ADGRE1: variants seen among roughly 807,000 people sequenced by gnomAD.
The protein encoded by ADGRE1 is adhesion G protein-coupled receptor E1.
Under a neutral mutation model 102.7 loss-of-function variants are expected in ADGRE1, and 82 were observed. That is an observed-to-expected ratio of 0.80 (90% CI 0.67 to 0.96). The LOEUF (loss-of-function observed/expected upper bound fraction) is 0.96, where lower values mean the gene tolerates loss of function less well. Ranked by LOEUF, ADGRE1 falls within the 40% of genes least tolerant of loss-of-function variation. ADGRE1 has a pLI of 0.00. For synonymous variants in ADGRE1, 398 were observed against 399.6 expected (o/e 1.00, Z 0.05); for missense variants, 1,032 against 1,085.3 (o/e 0.95, Z 0.69).
rs1450917202 is a variant in ADGRE1, at chr19:6,924,851, T to C, written c.1965T>C (p.Gly655=). 12 of 1,614,102 alleles carry C rather than the reference T, an allele frequency of 7.4e-6. No homozygotes were observed. Among genetic ancestry groups the C allele is most frequent in the Non-Finnish European group, 9.3e-6 (11 of 1,180,030 alleles). ...TGGCGAAGACTCTCTTCCTCGCCGG[T>C]ATACACAAGACTGACAACAAGGTCT... is the stretch of plus-strand genomic sequence containing the variant. ...LLLAKTLFLA[G]IHKTDNKMGC... Residue 655 remains glycine, a synonymous_variant, in exon 15 of 21, where the codon GGT becomes GGC. Transcript: ENST00000312053.
intron 5 of ADGRE1, 118 bp downstream of exon 5, chr19:6,897,665 A>T (rs984292503): frequency 1.8e-6 from 2 of 1,115,248 alleles, no homozygotes; most frequent in African/African-American, 3.2e-5. Context: ...GGGCTCAGAG[A>T]GGTAAAAATA....
At chr19:6,889,793 A>C (rs1025443334) in intron 1 of ADGRE1, among the ~76,000 whole-genome samples, 4 of 151,830 alleles carry the variant, frequency 2.6e-5, no homozygotes, top group Admixed American at 6.6e-5. Context: ...TATTTTCTAT[A>C]TATACATATG....
chr19:6,904,344 T>C (rs989942224), intron 8 of ADGRE1, among the ~76,000 whole-genome samples, 162 bp downstream of exon 8: 5 of 136,200 alleles, frequency 3.7e-5, no homozygotes, highest in African/African-American at 6.2e-5. Context: ...CAAATGATTT[T>C]TGGAGTACCT....
intron 2 of ADGRE1, among the ~76,000 whole-genome samples, chr19:6,894,056 C>T (rs1256432028): frequency 6.6e-6 from 1 of 152,214 alleles, no homozygotes; most frequent in African/African-American, 2.4e-5. Flanking sequence ...TATAAAGACT[C>T]TTGTGGTTAC....
At chr19:6,913,908 G>A in intron 11 of ADGRE1, 78 bp downstream of exon 11, 1 of 1,428,400 alleles carries the variant, frequency 7.0e-7, no homozygotes. Flanking sequence ...GATATTCCCT[G>A]GGTTTCCCAC....
At chr19:6,913,399 C>A (rs1466546501) in intron 10 of ADGRE1, among the ~76,000 whole-genome samples, 3 of 106,494 alleles carry the variant, frequency 2.8e-5, no homozygotes, top group Non-Finnish European at 6.2e-5. Flanking sequence ...CCAGGCTGGT[C>A]TCAAACTGCT....
chr19:6,933,874 G>T (rs1449525670), intron 17 of ADGRE1, among the ~76,000 whole-genome samples: 1 of 152,038 alleles, frequency 6.6e-6, no homozygotes, highest in Non-Finnish European at 1.5e-5. Context: ...CCTGCGCCAG[G>T]TGTATGTATA....
intron 1 of ADGRE1, 60 bp from the exon 2 acceptor site, chr19:6,890,421 G>GTTTTTTT (rs57355800): frequency 1.2e-4 from 54 of 451,250 alleles, no homozygotes; most frequent in South Asian, 3.0e-4. Flanking sequence ...AGCCCAAAAG[G>GTTTTTTT]TTTTTTTTTT....
intron 13 of ADGRE1, among the ~76,000 whole-genome samples, chr19:6,920,885 G>GA (rs1425764570): frequency 3.3e-5 from 5 of 152,048 alleles, no homozygotes; most frequent in African/African-American, 7.2e-5. Context: ...TGGTTTTTAT[G>GA]ATTTTTTCTC....
In ADGRE1 at chr19:6,904,123, T is replaced by C; in HGVS notation, c.890T>C (p.Ile297Thr). Residue 297 changes from isoleucine (I) to threonine (T), a missense_variant, in exon 8 of 21, where the codon ATT (isoleucine) becomes ACT (threonine). Transcript: ENST00000312053. ...CTGGGCTCCTACAGCTGTGGCTGCA[T>C]TGCAGGCTTTCATCCCAATCCAGAA... is the stretch of plus-strand genomic sequence containing the variant. ...NALGSYSCGC[I>T]AGFHPNPEGS... 1 of 1,614,242 alleles carries C rather than the reference T, an allele frequency of 6.2e-7. No homozygotes were observed. The highest frequency in any genetic ancestry group is 8.5e-7 in the Non-Finnish European group (1 of 1,180,042).
At chr19:6,918,833 T>C (rs976115921) in intron 12 of ADGRE1, among the ~76,000 whole-genome samples, 1 of 151,342 alleles carries the variant, frequency 6.6e-6, no homozygotes, top group Non-Finnish European at 1.5e-5. Flanking sequence ...CAAGCGATTG[T>C]CGTACCTCGG....
At chr19:6,898,237 C>CT (rs3029890) in intron 5 of ADGRE1, 166,050 of 1,158,226 alleles carry the variant, frequency 0.14, 3,774 homozygotes, top group Non-Finnish European at 0.15. Flanking sequence ...ATTGTTTTAA[C>CT]TTTTTTTTTT....
intron 1 of ADGRE1, 35 bp downstream of exon 1, chr19:6,887,674 C>T: frequency 6.3e-7 from 1 of 1,599,366 alleles, no homozygotes; most frequent in Non-Finnish European, 8.5e-7. Flanking sequence ...CTAGGGGAGG[C>T]CTGGATTGGA....
chr19:6,928,354 G>C, intron 17 of ADGRE1, 143 bp downstream of exon 17: 1 of 1,526,980 alleles, frequency 6.5e-7, no homozygotes, highest in Non-Finnish European at 8.8e-7. Context: ...GGCCGGGCGT[G>C]GTGGCTCACG....
chr19:6,903,950 G>A lies in ADGRE1; in HGVS notation c.802G>A (p.Asp268Asn). The stretch of plus-strand genomic sequence containing the variant: ...CACAGACCAAGGAGTGGAATGTAGA[G>A]GTGAGCAGAGAGTTTGATGGACAAT... Reference protein sequence around the residue: ...NFTDQGVECRDIDECRQDPST... With the variant: ...NFTDQGVECRNIDECRQDPST... The change falls in exon 7 of 21, where the codon GAT (aspartate) becomes AAT (asparagine). Residue 268 changes from aspartate (D) to asparagine (N), a missense_variant and splice_region_variant. By Grantham distance (23) the Asp-to-Asn change is conservative. Transcript: ENST00000312053. The A allele has an allele frequency of 6.2e-7, 1 of 1,614,202 alleles. No homozygotes were observed. Among genetic ancestry groups the A allele is most frequent in the Non-Finnish European group, 8.5e-7 (1 of 1,180,048 alleles).
At position 6,925,798 on chromosome 19, in the gene ADGRE1, C is replaced by A. The variant is rs140153382; in HGVS notation, c.1987-568C>A. Reference sequence around the variant, plus strand: ...CTCCTTATAGCCTACCAGGCTCAAGCGATCCTCCCACGTTTGCCTCCCAAG... The same window carrying A: ...CTCCTTATAGCCTACCAGGCTCAAGAGATCCTCCCACGTTTGCCTCCCAAG... On this transcript the variant is annotated intron_variant, in intron 15 of 20. Coordinates refer to ENST00000312053, the MANE Select transcript of ADGRE1 (RefSeq NM_001974.5). Among the ~76,000 whole-genome samples the A allele has an allele frequency of 3.9e-5, 6 of 152,144 alleles. No individual in the cohort carries two copies. The East Asian group carries it at 1.2e-3, about 29-fold the overall frequency.
At chr19:6,932,385 G>T (rs1045702857) in intron 17 of ADGRE1, among the ~76,000 whole-genome samples, 1 of 151,994 alleles carries the variant, frequency 6.6e-6, no homozygotes, top group Non-Finnish European at 1.5e-5. Context: ...GGAGAATGGC[G>T]TGAACCTGGG....
intron 8 of ADGRE1, among the ~76,000 whole-genome samples, chr19:6,904,426 T>A (rs1279648250): frequency 9.2e-5 from 14 of 152,138 alleles, no homozygotes; most frequent in Admixed American, 5.9e-4. Flanking sequence ...TAGGCATGCT[T>A]CTTGTCCTCT....
rs368294466 is a variant in ADGRE1, at chr19:6,916,287, G to A, written c.1339G>A (p.Glu447Lys). 12 of 1,613,472 alleles carry A rather than the reference G, an allele frequency of 7.4e-6. No homozygotes were observed. The African/African-American group carries it at 1.5e-4, about 20-fold the overall frequency. Residue 447 changes from glutamate to lysine, a missense_variant, in exon 12 of 21, where the codon GAG (glutamate) becomes AAG (lysine). Physicochemically the swap from Glu to Lys is moderately conservative, Grantham distance 56 (BLOSUM62 1). Transcript: ENST00000312053. ...AGTTATCAACAAAGAATGCAGTGAA[G>A]AGAATGTGACGTTGGACTTGGTAGC... ...SKVINKECSEENVTLDLVAKG... is the reference protein window; with the variant it reads ...SKVINKECSEKNVTLDLVAKG...
Sources: gnomAD v4.1 joint callset for allele counts (sites outside exome capture counted in the v4.1 genomes callset) on GRCh38, gnomAD v4.1.1 for gene constraint, MANE v1.5 for transcripts, NCBI Gene and HGNC (gene_info 2026-07-23, HGNC 2026-07-21) for gene names.